GAREM1: variants seen among roughly 807,000 people sequenced by gnomAD.
GAREM1 encodes the protein GRB2 associated regulator of MAPK1 subtype 1.
GAREM1 carries 26 observed loss-of-function variants against 71.3 expected under a neutral mutation model. That is an observed-to-expected ratio of 0.36 (90% CI 0.27 to 0.51). GAREM1 has a LOEUF of 0.51. Among genes scored for constraint, GAREM1 ranks in the 20% least tolerant of loss-of-function variants. The probability of loss-of-function intolerance (pLI) is 0.95; values close to 1 mark genes in which losing one functional copy is unlikely to be tolerated. For synonymous variants in GAREM1, 440 were observed against 433.2 expected (o/e 1.02, Z -0.20); for missense variants, 1,026 against 1,103.1 (o/e 0.93, Z 0.99).
intron 2 of GAREM1, among the ~76,000 whole-genome samples, chr18:32,327,483 G>A (rs1259284113): frequency 6.6e-6 from 1 of 152,144 alleles, no homozygotes; most frequent in Non-Finnish European, 1.5e-5. Flanking sequence ...ATACTAAGGT[G>A]ATAATAGCTC....
At chr18:32,301,599 G>C (rs2047203048) in intron 3 of GAREM1, among the ~76,000 whole-genome samples, 1 of 152,184 alleles carries the variant, frequency 6.6e-6, no homozygotes, top group South Asian at 2.1e-4. Flanking sequence ...ACCAGCCTCA[G>C]CCAATCAGGG....
Position 32,299,386 on chromosome 18 carries a change from C to T in GAREM1, c.393+10807G>A, listed in dbSNP as rs375741057. 4.6e-5 allele frequency among the ~76,000 whole-genome samples: 7 copies of T among 151,652 alleles called. No individual in the cohort carries two copies. In the East Asian group the frequency reaches 7.8e-4, roughly 17 times the overall value. Reference sequence around the variant, plus strand: ...AAAATTAGCCGGGTGTGGCGGTGTGCGCCTGTTGTCCCAGCTGCTGGGGAG... The same window carrying T: ...AAAATTAGCCGGGTGTGGCGGTGTGTGCCTGTTGTCCCAGCTGCTGGGGAG... On this transcript the variant is annotated intron_variant, in intron 3 of 5. Coordinates refer to ENST00000269209, the MANE Select transcript of GAREM1 (RefSeq NM_001242409.2).
At chr18:32,284,726 T>C (rs1158940892) in intron 4 of GAREM1, among the ~76,000 whole-genome samples, 2 of 150,700 alleles carry the variant, frequency 1.3e-5, no homozygotes, top group African/African-American at 4.9e-5. Context: ...GTTCCAGGAG[T>C]ACTTGTTTGG....
intron 2 of GAREM1, among the ~76,000 whole-genome samples, chr18:32,313,465 T>C (rs1288009510): frequency 2.0e-5 from 3 of 152,122 alleles, no homozygotes; most frequent in South Asian, 2.1e-4. Flanking sequence ...CTGCTAAAGG[T>C]TGAGATGGCA....
At chr18:32,333,607 A>G (rs2047558170) in intron 2 of GAREM1, among the ~76,000 whole-genome samples, 1 of 152,224 alleles carries the variant, frequency 6.6e-6, no homozygotes, top group Admixed American at 6.5e-5. Context: ...ACAAACTCCA[A>G]TAAAGTGGAA....
chr18:32,321,207 C>T (rs1194346494), intron 2 of GAREM1, among the ~76,000 whole-genome samples: 1 of 152,214 alleles, frequency 6.6e-6, no homozygotes, highest in African/African-American at 2.4e-5. Flanking sequence ...AACCACCAAG[C>T]CCAGACTCCT....
rs182073268 is a variant in GAREM1 at position 32,451,366 on chromosome 18, C to A, written c.121+18942G>T. Among the ~76,000 whole-genome samples, 141 of 150,554 alleles carry A rather than the reference C, an allele frequency of 9.4e-4. No homozygotes were observed. The East Asian group carries it at 0.017, about 18-fold the overall frequency. Reference sequence around the variant, plus strand: ...TCATGCAGCACAAGTGAACAATAAACCCTTGCTGTTTTAAACCAACTAACA... The same window carrying A: ...TCATGCAGCACAAGTGAACAATAAAACCTTGCTGTTTTAAACCAACTAACA... On this transcript the variant is annotated intron_variant, in intron 1 of 5. Coordinates refer to ENST00000269209, the MANE Select transcript of GAREM1 (RefSeq NM_001242409.2).
chr18:32,428,636 G>A lies in GAREM1; in HGVS notation c.122-35601C>T, dbSNP rs572289235. Among the ~76,000 whole-genome samples, 4 of 152,228 alleles carry A rather than the reference G, an allele frequency of 2.6e-5. No homozygotes were observed. The South Asian group carries it at 6.2e-4, about 24-fold the overall frequency. The stretch of plus-strand genomic sequence containing the variant: ...ATGCTTCCCATATTGCTGCAGATCC[G>A]TGAACCAATTAGACCTCTTTTTTAA... On this transcript the variant is annotated intron_variant, in intron 1 of 5. Transcript: ENST00000269209.
intron 4 of GAREM1, among the ~76,000 whole-genome samples, chr18:32,277,070 G>T (rs2041552904): frequency 6.6e-6 from 1 of 152,208 alleles, no homozygotes; most frequent in Non-Finnish European, 1.5e-5. Context: ...CAGCTAGCAA[G>T]TCACTGGTGA....
At chr18:32,290,642 G>GAAAAAAAA (rs586596) in intron 3 of GAREM1, among the ~76,000 whole-genome samples, 6 of 75,606 alleles carry the variant, frequency 7.9e-5, no homozygotes, top group Non-Finnish European at 1.7e-4. Flanking sequence ...CAGACTGTCT[G>GAAAAAAAA]AAAAAAAAAA....
chr18:32,427,329 A>ATG (rs1568007313), intron 1 of GAREM1, among the ~76,000 whole-genome samples: 1 of 151,926 alleles, frequency 6.6e-6, no homozygotes, highest in Non-Finnish European at 1.5e-5. Context: ...AGGTATGTAA[A>ATG]TTATTCTTCC....
At position 32,412,319 on chromosome 18, in the gene GAREM1, A is replaced by G. The variant is rs895149494; in HGVS notation, c.122-19284T>C. ...ACTGGCCTCCACCGCCATAGGGGCC[A>G]GAGTTTCTGCCTCCAAAATTTCCTC... On this transcript the variant is annotated intron_variant, in intron 1 of 5. Transcript: ENST00000269209. 1.9e-6 allele frequency: 3 copies of G among 1,594,062 alleles called. No individual in the cohort carries two copies. The African/African-American group carries it at 4.0e-5, about 21-fold the overall frequency.
intron 4 of GAREM1, among the ~76,000 whole-genome samples, chr18:32,278,838 T>C (rs113317638): frequency 6.6e-6 from 1 of 152,228 alleles, no homozygotes; most frequent in East Asian, 1.9e-4. Flanking sequence ...AAATGTGATT[T>C]ACAGTCAAAA....
chr18:32,311,513 A>T (rs749651520), intron 2 of GAREM1, among the ~76,000 whole-genome samples: 60 of 152,320 alleles, frequency 3.9e-4, no homozygotes, highest in Non-Finnish European at 7.2e-4. Context: ...GAAGGTGAGA[A>T]ATGCTATTAA....
chr18:32,340,986 T>A (rs749247309), intron 2 of GAREM1, among the ~76,000 whole-genome samples: 1 of 152,232 alleles, frequency 6.6e-6, no homozygotes, highest in African/African-American at 2.4e-5. Flanking sequence ...TTGGATTATT[T>A]TTTTTTTGAT....
Position 32,345,780 on chromosome 18 carries a change from G to C in GAREM1, c.263-35457C>G, listed in dbSNP as rs150836358. 7.6e-4 allele frequency among the ~76,000 whole-genome samples: 116 copies of C among 152,284 alleles called. 1 individual carries two copies. The East Asian group carries it at 0.018, about 24-fold the overall frequency. On this transcript the variant is annotated intron_variant, in intron 2 of 5. Coordinates refer to ENST00000269209, the MANE Select transcript of GAREM1 (RefSeq NM_001242409.2). ...TGGGTGATAATGGCACTGTTGAAATGGGTGGTCAGAAAAAGGGTCCAGCTG... is the reference window on the plus strand; with the variant it reads ...TGGGTGATAATGGCACTGTTGAAATCGGTGGTCAGAAAAAGGGTCCAGCTG...
intron 2 of GAREM1, among the ~76,000 whole-genome samples, chr18:32,322,106 T>C (rs1265854753): frequency 6.6e-6 from 1 of 152,178 alleles, no homozygotes; most frequent in Non-Finnish European, 1.5e-5. Flanking sequence ...GCTCTAGTGA[T>C]TTTTTTAAGG....
chr18:32,287,804 T>C lies in GAREM1; in HGVS notation c.793A>G (p.Ile265Val). The change falls in exon 4 of 6, where the codon ATC becomes GTC. Residue 265 changes from isoleucine (I) to valine (V), a missense_variant. Physicochemically the swap from Ile to Val is conservative, Grantham distance 29. This residue lies in a region of GAREM1 where 218 missense variants were observed against 296.8 expected (regional missense o/e 0.73). Coordinates refer to ENST00000269209, the MANE Select transcript of GAREM1 (RefSeq NM_001242409.2). This position sits in a 1 kb window ranked among gnomAD's most constrained non-coding sequence, Gnocchi z 5.9. ...AACTTATAGCGGTGCCCCTCACGGA[T>C]GAAGTGGAGGTCGTATGGGTTTCTC... ...PPRNPYDLHF[I>V]REGHRYKFVN... 1 of 1,613,378 alleles carries C rather than the reference T, an allele frequency of 6.2e-7. No individual in the cohort carries two copies. The highest frequency in any genetic ancestry group is 8.5e-7 in the Non-Finnish European group (1 of 1,179,880).
chr18:32,270,909 T>TTTG (rs2041452721), intron 4 of GAREM1, among the ~76,000 whole-genome samples: 1 of 143,602 alleles, frequency 7.0e-6, no homozygotes, highest in Non-Finnish European at 1.5e-5. Flanking sequence ...TTTTTTTTTT[T>TTTG]TTTTTTTTTT....
Sources: gnomAD v4.1 joint callset for allele counts (sites outside exome capture counted in the v4.1 genomes callset) on GRCh38, gnomAD v4.1.1 for gene constraint, gnomAD v4.1.1 regional missense constraint, Gnocchi (gnomAD v3.1) non-coding constraint, MANE v1.5 for transcripts, NCBI Gene and HGNC (gene_info 2026-07-23, HGNC 2026-07-21) for gene names.